Variants in AGAP1 observed in about 807,000 individuals in gnomAD.
The protein encoded by AGAP1 is ArfGAP with GTPase domain, ankyrin repeat and PH domain 1.
A neutral mutation model predicts 105.3 loss-of-function variants in AGAP1; 29 were observed. The ratio of observed to expected loss-of-function variants is 0.28; its 90% CI spans 0.21 to 0.38. The LOEUF (loss-of-function observed/expected upper bound fraction) is 0.38. AGAP1 is among the 10% of genes least tolerant of loss of function. AGAP1 has a pLI of 1.00. For missense variants in AGAP1, 998 were observed against 1,165.1 expected (o/e 0.86, Z 2.09); for synonymous variants, 509 against 485.9 (o/e 1.05, Z -0.63).
At position 235,980,759 on chromosome 2, in the gene AGAP1, A is replaced by G. The variant is rs140190127; in HGVS notation, c.1645+12136A>G. On this transcript the variant is annotated intron_variant, in intron 13 of 17. Transcript: ENST00000304032. ...TCCGTGTGACCGTGGAGCTCATGTCAGCATTGCTAGGTTTGGGCTCAGCCT... is the reference window on the plus strand; with the variant it reads ...TCCGTGTGACCGTGGAGCTCATGTCGGCATTGCTAGGTTTGGGCTCAGCCT... Among the ~76,000 whole-genome samples the G allele has an allele frequency of 1.6e-4, 25 of 152,314 alleles. No homozygotes were observed. The East Asian group carries it at 4.4e-3, about 27-fold the overall frequency.
rs529631509 is a variant in AGAP1 at position 235,880,254 on chromosome 2, C to T, written c.1051-3091C>T. Among the ~76,000 whole-genome samples, 4 of 152,206 alleles carry T rather than the reference C, an allele frequency of 2.6e-5. No homozygotes were observed. The South Asian group carries it at 8.3e-4, about 32-fold the overall frequency. On this transcript the variant is annotated intron_variant, in intron 9 of 17. Coordinates refer to ENST00000304032, the MANE Select transcript of AGAP1 (RefSeq NM_001037131.3). ...AGGACAATTTTGAGGATGTGATTTC[C>T]TCACGAAAGTACCTCCCACACGCCA...
At chr2:236,064,748 C>T (rs2058299269) in intron 16 of AGAP1, among the ~76,000 whole-genome samples, 1 of 152,220 alleles carries the variant, frequency 6.6e-6, no homozygotes, top group Non-Finnish European at 1.5e-5. Flanking sequence ...GTGAAAAGAC[C>T]TGGAAGAGCC....
chr2:235,768,731 G>T (rs1032859759), intron 6 of AGAP1, among the ~76,000 whole-genome samples: 7 of 152,202 alleles, frequency 4.6e-5, no homozygotes, highest in Non-Finnish European at 7.3e-5. Flanking sequence ...GGTGGGCACG[G>T]CTTTGTAGAG....
At chr2:235,503,337 G>A (rs1267600938) in intron 1 of AGAP1, among the ~76,000 whole-genome samples, 1 of 152,126 alleles carries the variant, frequency 6.6e-6, no homozygotes. Flanking sequence ...TGTTGTTTTC[G>A]AAGGTCTGGG....
At position 235,959,742 on chromosome 2, in the gene AGAP1, G is replaced by A. The variant is rs2054103172; in HGVS notation, c.1484-8720G>A. Among the ~76,000 whole-genome samples, 2 of 152,148 alleles carry A rather than the reference G, an allele frequency of 1.3e-5. No homozygotes were observed. The highest frequency in any genetic ancestry group is 1.9e-4 in the East Asian group (1 of 5,180). ...CCGGTTCCCCTGCTGCTGCAGCCGG[G>A]CCCTCCCACAGGCAAGCATCTGGAA... On this transcript the variant is annotated intron_variant, in intron 12 of 17. Coordinates refer to ENST00000304032, the MANE Select transcript of AGAP1 (RefSeq NM_001037131.3). This position sits in a 1 kb window ranked among gnomAD's most constrained non-coding sequence, Gnocchi z 7.3.
intron 1 of AGAP1, among the ~76,000 whole-genome samples, chr2:235,694,654 A>G (rs1376250252): frequency 2.9e-5 from 4 of 135,608 alleles, no homozygotes; most frequent in African/African-American, 6.5e-5. Flanking sequence ...CCTCAGGGAG[A>G]AAAAAAAAAA....
At chr2:235,812,919 G>A (rs1037876591) in intron 9 of AGAP1, among the ~76,000 whole-genome samples, 2 of 152,254 alleles carry the variant, frequency 1.3e-5, no homozygotes, top group Non-Finnish European at 2.9e-5. Context: ...AATTTACAGA[G>A]TGAACTGCCG....
intron 1 of AGAP1, among the ~76,000 whole-genome samples, chr2:235,536,668 CA>C (rs1559231750): frequency 0.023 from 3,408 of 149,664 alleles, 58 homozygotes; most frequent in Middle Eastern, 0.085. Flanking sequence ...CACACACACA[CA>C]CACACACACC....
chr2:236,079,529 CAA>C (rs201191220), intron 16 of AGAP1, among the ~76,000 whole-genome samples: 1 of 136,028 alleles, frequency 7.4e-6, no homozygotes, highest in Admixed American at 7.4e-5. Flanking sequence ...GACCTCGTCT[CAA>C]AAAAAAAAAA....
chr2:235,638,488 A>T (rs1947085377), intron 1 of AGAP1, among the ~76,000 whole-genome samples: 1 of 152,232 alleles, frequency 6.6e-6, no homozygotes, highest in African/African-American at 2.4e-5. Flanking sequence ...CACAATGGCG[A>T]TGGAAAATGT....
chr2:235,761,605 G>C (rs2149785186), intron 6 of AGAP1, among the ~76,000 whole-genome samples: 1 of 152,196 alleles, frequency 6.6e-6, no homozygotes, highest in African/African-American at 2.4e-5. Context: ...TTCATAATCT[G>C]TTCATAATGC....
intron 1 of AGAP1, among the ~76,000 whole-genome samples, chr2:235,603,302 G>T (rs1232470716): frequency 6.6e-6 from 1 of 152,176 alleles, no homozygotes; most frequent in Non-Finnish European, 1.5e-5. Flanking sequence ...TTGGAACTGT[G>T]AGTCCATTAA....
At position 235,882,867 on chromosome 2, in the gene AGAP1, C is replaced by A. The variant is rs13425774; in HGVS notation, c.1051-478C>A. Reference sequence around the variant, plus strand: ...TCGCTTTGTCACCCAGGCTGGAGTACGGTGGTACAATCATAGCTCACTGCC... The same window carrying A: ...TCGCTTTGTCACCCAGGCTGGAGTAAGGTGGTACAATCATAGCTCACTGCC... On this transcript the variant is annotated intron_variant, in intron 9 of 17. Transcript: ENST00000304032. This position sits in a 1 kb window ranked among gnomAD's most constrained non-coding sequence, Gnocchi z 4.6. Among the ~76,000 whole-genome samples the A allele has an allele frequency of 0.023, 3,515 of 152,052 alleles. 125 individuals are homozygous for A. The highest frequency in any genetic ancestry group is 0.074 in the African/African-American group (3,078 of 41,458).
intron 13 of AGAP1, among the ~76,000 whole-genome samples, chr2:235,980,549 C>T (rs1032802341): frequency 6.6e-6 from 1 of 152,150 alleles, no homozygotes; most frequent in Non-Finnish European, 1.5e-5. Flanking sequence ...ACATGTTGAG[C>T]GTCGAGGACA....
intron 1 of AGAP1, among the ~76,000 whole-genome samples, chr2:235,514,668 G>A (rs1250535555): frequency 2.0e-5 from 3 of 152,268 alleles, no homozygotes; most frequent in Non-Finnish European, 4.4e-5. Context: ...TCCTGCTGGC[G>A]ATTCCAGGGC....
intron 6 of AGAP1, among the ~76,000 whole-genome samples, chr2:235,791,197 G>A (rs1024359042): frequency 2.0e-5 from 3 of 152,112 alleles, no homozygotes; most frequent in Non-Finnish European, 1.5e-5. Flanking sequence ...TTTTCACTCC[G>A]AAGTCACACA....
intron 1 of AGAP1, among the ~76,000 whole-genome samples, chr2:235,683,181 C>G (rs1465435883): frequency 6.6e-6 from 1 of 151,376 alleles, no homozygotes; most frequent in African/African-American, 2.5e-5. Context: ...GTGGCACACA[C>G]TTGTAATCCC....
At chr2:235,969,357 T>C (rs1009921099) in intron 13 of AGAP1, among the ~76,000 whole-genome samples, 2 of 152,090 alleles carry the variant, frequency 1.3e-5, no homozygotes, top group Non-Finnish European at 2.9e-5. Flanking sequence ...GTAAAATTAA[T>C]GCAGTTGTAA....
chr2:235,669,077 T>C (rs182517617), intron 1 of AGAP1, among the ~76,000 whole-genome samples: 2 of 152,270 alleles, frequency 1.3e-5, no homozygotes, highest in East Asian at 3.9e-4. Context: ...CATGGAGGTT[T>C]ATCTGGGGTG....
Sources: gnomAD v4.1 joint callset for allele counts (sites outside exome capture counted in the v4.1 genomes callset) on GRCh38, gnomAD v4.1.1 for gene constraint, Gnocchi (gnomAD v3.1) non-coding constraint, MANE v1.5 for transcripts, NCBI Gene and HGNC (gene_info 2026-07-23, HGNC 2026-07-21) for gene names.